Variants in CLNK observed in about 807,000 individuals in gnomAD.
CLNK encodes the protein cytokine dependent hematopoietic cell linker.
CLNK carries 74 observed loss-of-function variants against 68.6 expected under a neutral mutation model. The observed-to-expected ratio is 1.08, with a 90% CI of 0.89 to 1.31. The LOEUF (loss-of-function observed/expected upper bound fraction) is 1.31, where lower values mean the gene tolerates loss of function less well. CLNK is among the 50% of genes most tolerant of loss of function. The pLI, the probability that CLNK is intolerant of heterozygous loss-of-function variation, is 0.00. For missense variants in CLNK, 553 were observed against 515.3 expected (o/e 1.07, Z -0.71); for synonymous variants, 198 against 172.2 (o/e 1.15, Z -1.17).
chr4:10,642,019 CT>C (rs1366379994), intron 2 of CLNK, among the ~76,000 whole-genome samples: 2 of 152,146 alleles, frequency 1.3e-5, no homozygotes, highest in Non-Finnish European at 2.9e-5. Flanking sequence ...CATTAAACCT[CT>C]TTTTCTTTAT....
At position 10,638,425 on chromosome 4, in the gene CLNK, C is replaced by G. The variant is rs138974077; in HGVS notation, c.11+29434G>C. On this transcript the variant is annotated intron_variant, in intron 2 of 18. Transcript: ENST00000226951. ...TATGGTCACCCTGAATCAAAGGTGG[C>G]TTTGGCGAAAAGCAGATATATGAAA... 9.2e-5 allele frequency among the ~76,000 whole-genome samples: 14 copies of G among 152,280 alleles called. No individual in the cohort carries two copies. The East Asian group carries it at 2.5e-3, about 27-fold the overall frequency.
intron 8 of CLNK, among the ~76,000 whole-genome samples, chr4:10,556,438 G>A (rs1364284541): frequency 1.3e-5 from 2 of 152,114 alleles, no homozygotes; most frequent in South Asian, 4.1e-4. Context: ...GTGAACTGAG[G>A]CAAAGGGTAG....
chr4:10,693,523 G>A, the CLNK span, among the ~76,000 whole-genome samples: 1 of 152,182 alleles, frequency 6.6e-6, no homozygotes, highest in Non-Finnish European at 1.5e-5. Context: ...AAGCTGAAAG[G>A]GGCAAGGAAG....
At chr4:10,530,932 C>T (rs1718508721) in intron 12 of CLNK, among the ~76,000 whole-genome samples, 1 of 152,162 alleles carries the variant, frequency 6.6e-6, no homozygotes. Context: ...CTGTTCTTCT[C>T]GTCAAGCAGT....
intron 2 of CLNK, among the ~76,000 whole-genome samples, chr4:10,641,713 A>G (rs1577190790): frequency 6.6e-6 from 1 of 152,008 alleles, no homozygotes; most frequent in Non-Finnish European, 1.5e-5. Context: ...CAAAAATACA[A>G]CTCTCCTACT....
At chr4:10,718,873 T>C in the CLNK span, among the ~76,000 whole-genome samples, 1 of 152,068 alleles carries the variant, frequency 6.6e-6, no homozygotes, top group Non-Finnish European at 1.5e-5. Context: ...TCATGATAAT[T>C]ATATTATAAA....
At chr4:10,611,520 A>C (rs1722023363) in intron 2 of CLNK, among the ~76,000 whole-genome samples, 2 of 141,796 alleles carry the variant, frequency 1.4e-5, no homozygotes, top group Non-Finnish European at 3.1e-5. Context: ...AATGTAGTGG[A>C]CCTTCTTCTG....
intron 16 of CLNK, among the ~76,000 whole-genome samples, chr4:10,512,226 G>C (rs1220315015): frequency 6.6e-6 from 1 of 151,616 alleles, no homozygotes; most frequent in Non-Finnish European, 1.5e-5. Flanking sequence ...ATAAAAGAAG[G>C]ATATGCATTT....
intron 2 of CLNK, among the ~76,000 whole-genome samples, chr4:10,620,493 C>T (rs569076596): frequency 1.3e-5 from 2 of 152,296 alleles, no homozygotes; most frequent in African/African-American, 2.4e-5. Context: ...TGTCCCATCC[C>T]CTTGCATTTT....
the CLNK span, among the ~76,000 whole-genome samples, chr4:10,730,581 T>G: frequency 1.3e-5 from 2 of 152,204 alleles, no homozygotes; most frequent in Admixed American, 1.3e-4. Context: ...AAGTATGTCC[T>G]ACTCTATAGA....
At chr4:10,638,884 T>C (rs970274007) in intron 2 of CLNK, among the ~76,000 whole-genome samples, 3 of 152,218 alleles carry the variant, frequency 2.0e-5, no homozygotes. Flanking sequence ...CCTCTGAACG[T>C]CTGTGCCCAA....
chr4:10,626,427 T>C (rs1383824735), intron 2 of CLNK, among the ~76,000 whole-genome samples: 3 of 152,244 alleles, frequency 2.0e-5, no homozygotes, highest in Admixed American at 6.5e-5. Flanking sequence ...CACCAAATTC[T>C]TTCTTTCCTG....
chr4:10,717,629 C>T, the CLNK span, among the ~76,000 whole-genome samples: 1 of 152,072 alleles, frequency 6.6e-6, no homozygotes, highest in East Asian at 1.9e-4. Context: ...GCACTCCCAC[C>T]CCACTGGTAA....
chr4:10,543,328 T>G (rs1321395776), intron 8 of CLNK, among the ~76,000 whole-genome samples: 1 of 152,170 alleles, frequency 6.6e-6, no homozygotes, highest in Non-Finnish European at 1.5e-5. Context: ...TGCTATTTTA[T>G]ATGGCTGTTG....
chr4:10,527,462 C>T (rs939156591), intron 13 of CLNK, among the ~76,000 whole-genome samples: 5 of 152,226 alleles, frequency 3.3e-5, no homozygotes, highest in Non-Finnish European at 7.3e-5. Context: ...CCTAATGTTG[C>T]TCTGTTGAAC....
rs530886563 is a variant in CLNK, at chr4:10,602,258, A to G, written c.12-4209T>C. Among the ~76,000 whole-genome samples the G allele has an allele frequency of 7.9e-5, 12 of 152,338 alleles. 1 individual carries two copies. In the South Asian group the frequency reaches 2.3e-3, roughly 29 times the overall value. Reference sequence around the variant, plus strand: ...TTATTATTTTTCATGTAGACCTAATAGCAGCCAATACAGTGTAGTTGAATT... The same window carrying G: ...TTATTATTTTTCATGTAGACCTAATGGCAGCCAATACAGTGTAGTTGAATT... On this transcript the variant is annotated intron_variant, in intron 2 of 18. Coordinates refer to ENST00000226951, the MANE Select transcript of CLNK (RefSeq NM_052964.4).
intron 15 of CLNK, among the ~76,000 whole-genome samples, chr4:10,519,231 C>A (rs1717962521): frequency 6.6e-6 from 1 of 152,168 alleles, no homozygotes; most frequent in Non-Finnish European, 1.5e-5. Context: ...ACTTACAGCC[C>A]TGGGGTGCTT....
chr4:10,655,870 C>T (rs375937502), intron 2 of CLNK, among the ~76,000 whole-genome samples: 2 of 151,984 alleles, frequency 1.3e-5, no homozygotes, highest in South Asian at 2.1e-4. Flanking sequence ...AGGATGATCT[C>T]GATCTCCTGA....
chr4:10,723,623 T>C, the CLNK span, among the ~76,000 whole-genome samples: 2 of 152,158 alleles, frequency 1.3e-5, no homozygotes, highest in Non-Finnish European at 2.9e-5. Context: ...TGCGTTTCTA[T>C]CCACTTCTTT....
Sources: gnomAD v4.1 joint callset for allele counts (sites outside exome capture counted in the v4.1 genomes callset) on GRCh38, gnomAD v4.1.1 for gene constraint, MANE v1.5 for transcripts, NCBI Gene and HGNC (gene_info 2026-07-23, HGNC 2026-07-21) for gene names.